UBE2E2: variants seen among roughly 807,000 people sequenced by gnomAD.
The protein encoded by UBE2E2 is ubiquitin conjugating enzyme E2 E2, also known as ubiquitin-conjugating enzyme E2 E2.
A neutral mutation model predicts 24.7 loss-of-function variants in UBE2E2; 6 were observed. The ratio of observed to expected loss-of-function variants is 0.24; its 90% confidence interval spans 0.13 to 0.48. The LOEUF (loss-of-function observed/expected upper bound fraction) is 0.48, where lower values mean the gene tolerates loss of function less well. UBE2E2 is among the 20% of genes least tolerant of loss of function. The probability of loss-of-function intolerance (pLI) is 0.99; values close to 1 mark genes in which losing one functional copy is unlikely to be tolerated. For missense variants in UBE2E2, 169 were observed against 245.0 expected (o/e 0.69, Z 2.07); for synonymous variants, 104 against 83.6 (o/e 1.24, Z -1.33).
intron 3 of UBE2E2, among the ~76,000 whole-genome samples, chr3:23,485,334 G>T (rs569807101): frequency 6.6e-4 from 100 of 152,112 alleles, no homozygotes; most frequent in African/African-American, 2.4e-3. Flanking sequence ...AACGTCAAGT[G>T]ATCCACCCAC....
intron 4 of UBE2E2, among the ~76,000 whole-genome samples, chr3:23,512,041 A>G (rs995719450): frequency 2.6e-5 from 4 of 152,080 alleles, no homozygotes; most frequent in African/African-American, 9.7e-5. Context: ...CATAGCTAAT[A>G]AGGCCAGGGT....
intron 3 of UBE2E2, among the ~76,000 whole-genome samples, chr3:23,486,993 C>T (rs142660148): frequency 6.6e-6 from 1 of 152,336 alleles, no homozygotes; most frequent in African/African-American, 2.4e-5. Context: ...TGCCTCCCAC[C>T]ACCATCAACA....
At chr3:23,389,484 G>C (rs1451602161) in intron 3 of UBE2E2, among the ~76,000 whole-genome samples, 1 of 152,156 alleles carries the variant, frequency 6.6e-6, no homozygotes, top group Non-Finnish European at 1.5e-5. Flanking sequence ...TTAGGGAAAA[G>C]GAAATCTGGA....
intron 3 of UBE2E2, among the ~76,000 whole-genome samples, chr3:23,348,147 T>G (rs2125316473): frequency 6.6e-6 from 1 of 152,182 alleles, no homozygotes; most frequent in Middle Eastern, 3.4e-3. Flanking sequence ...AGGGGCTACT[T>G]AAGGAGGTCA....
At chr3:23,469,338 T>C (rs1170425176) in intron 3 of UBE2E2, among the ~76,000 whole-genome samples, 1 of 152,188 alleles carries the variant, frequency 6.6e-6, no homozygotes, top group Non-Finnish European at 1.5e-5. Flanking sequence ...AGATAATAGA[T>C]AAAGAATGGA....
intron 5 of UBE2E2, among the ~76,000 whole-genome samples, chr3:23,553,461 G>A (rs191917233): frequency 9.9e-4 from 150 of 152,154 alleles, no homozygotes; most frequent in East Asian, 6.9e-3. Context: ...TGTTTTGGTC[G>A]ATGATATTTA....
At chr3:23,262,424 C>A (rs1229863135) in intron 3 of UBE2E2, among the ~76,000 whole-genome samples, 2 of 152,028 alleles carry the variant, frequency 1.3e-5, no homozygotes, top group African/African-American at 4.8e-5. Context: ...ACTACAGGTG[C>A]ATGCCACCAC....
At chr3:23,484,879 A>G (rs554153894) in intron 3 of UBE2E2, among the ~76,000 whole-genome samples, 31 of 152,234 alleles carry the variant, frequency 2.0e-4, no homozygotes, top group Admixed American at 6.5e-4. Flanking sequence ...CCATGATTCA[A>G]TTACCTTCCA....
chr3:23,431,689 G>A (rs893548308), intron 3 of UBE2E2, among the ~76,000 whole-genome samples: 8 of 152,144 alleles, frequency 5.3e-5, no homozygotes, highest in African/African-American at 1.4e-4. Context: ...GAACTTTGCA[G>A]TAAAAATAAA....
At chr3:23,439,070 G>C (rs1176153132) in intron 3 of UBE2E2, among the ~76,000 whole-genome samples, 1 of 152,178 alleles carries the variant, frequency 6.6e-6, no homozygotes, top group African/African-American at 2.4e-5. Flanking sequence ...AATCAGAGTA[G>C]AATGCAAAAT....
At chr3:23,291,769 G>A (rs1698771144) in intron 3 of UBE2E2, among the ~76,000 whole-genome samples, 1 of 126,612 alleles carries the variant, frequency 7.9e-6, no homozygotes, top group African/African-American at 3.1e-5. Context: ...TGCAACCTCC[G>A]TCCCCTGGGT....
intron 5 of UBE2E2, among the ~76,000 whole-genome samples, chr3:23,551,614 T>C (rs1371910194): frequency 6.6e-6 from 1 of 152,108 alleles, no homozygotes; most frequent in Non-Finnish European, 1.5e-5. Context: ...CATTGGATCT[T>C]TGAGAAGGTG....
chr3:23,404,333 C>T, intron 3 of UBE2E2, among the ~76,000 whole-genome samples: 1 of 152,148 alleles, frequency 6.6e-6, no homozygotes, highest in East Asian at 1.9e-4. Context: ...TGCCTCCATG[C>T]TTAGCTGTTT....
chr3:23,259,765 G>T (rs1489866855), intron 3 of UBE2E2, among the ~76,000 whole-genome samples: 3 of 152,168 alleles, frequency 2.0e-5, no homozygotes, highest in Non-Finnish European at 4.4e-5. Context: ...AAAAACTTCA[G>T]TGTAAGATTT....
At chr3:23,557,492 A>G (rs1695819210) in intron 5 of UBE2E2, among the ~76,000 whole-genome samples, 1 of 152,048 alleles carries the variant, frequency 6.6e-6, no homozygotes, top group Non-Finnish European at 1.5e-5. Flanking sequence ...TCACACACAG[A>G]CCCATGCTTC....
chr3:23,527,808 A>G (rs1373957539), intron 4 of UBE2E2, among the ~76,000 whole-genome samples: 1 of 152,060 alleles, frequency 6.6e-6, no homozygotes, highest in East Asian at 1.9e-4. Context: ...TGGCAACTCT[A>G]TACCACCCCC....
chr3:23,497,998 T>A (rs1321603855), intron 3 of UBE2E2, among the ~76,000 whole-genome samples: 1 of 152,256 alleles, frequency 6.6e-6, no homozygotes, highest in Non-Finnish European at 1.5e-5. Flanking sequence ...TAAAATAATA[T>A]TACTGAATTT....
intron 3 of UBE2E2, among the ~76,000 whole-genome samples, chr3:23,255,585 GAA>G (rs930537939): frequency 3.3e-4 from 50 of 152,022 alleles, no homozygotes; most frequent in African/African-American, 1.1e-3. Flanking sequence ...AAAGTAGAGA[GAA>G]AAAGGGCATT....
intron 5 of UBE2E2, among the ~76,000 whole-genome samples, chr3:23,581,071 T>C (rs918446411): frequency 1.3e-5 from 2 of 151,994 alleles, no homozygotes; most frequent in African/African-American, 4.8e-5. Context: ...TTTTTTTAAT[T>C]TTTATTTATT....
Sources: gnomAD v4.1 joint callset for allele counts (sites outside exome capture counted in the v4.1 genomes callset) on GRCh38, gnomAD v4.1.1 for gene constraint, MANE v1.5 for transcripts, NCBI Gene and HGNC (gene_info 2026-07-23, HGNC 2026-07-21) for gene names.